CTNNA3: variants seen among roughly 807,000 people sequenced by gnomAD.
CTNNA3 encodes the protein catenin alpha 3.
CTNNA3 carries 76 observed loss-of-function variants against 95.7 expected under a neutral mutation model. The ratio of observed to expected loss-of-function variants is 0.79; its 90% CI spans 0.66 to 0.96. The LOEUF (loss-of-function observed/expected upper bound fraction) is 0.96. Ranked by LOEUF, CTNNA3 falls within the 40% of genes least tolerant of loss-of-function variation. The pLI is 0.00. For missense variants in CTNNA3, 1,191 were observed against 1,089.8 expected (o/e 1.09, Z -1.31); for synonymous variants, 431 against 374.4 (o/e 1.15, Z -1.74).
chr10:66,074,655 A>G (rs2080513487), intron 14 of CTNNA3, among the ~76,000 whole-genome samples: 1 of 151,630 alleles, frequency 6.6e-6, no homozygotes. Flanking sequence ...ATTCTCTCAA[A>G]ATTTTTAGAA....
chr10:66,523,779 G>A (rs191269639), intron 10 of CTNNA3, among the ~76,000 whole-genome samples: 1 of 152,106 alleles, frequency 6.6e-6, no homozygotes, highest in East Asian at 1.9e-4. Context: ...TCTACTTCCA[G>A]TCTCTATTTG....
At chr10:66,863,475 G>T (rs1250971542) in intron 7 of CTNNA3, among the ~76,000 whole-genome samples, 1 of 152,074 alleles carries the variant, frequency 6.6e-6, no homozygotes, top group Non-Finnish European at 1.5e-5. Flanking sequence ...GGTAGATGTA[G>T]TGAAAATTAG....
chr10:66,209,206 C>A (rs1472896305), intron 13 of CTNNA3, among the ~76,000 whole-genome samples: 1 of 151,954 alleles, frequency 6.6e-6, no homozygotes, highest in Non-Finnish European at 1.5e-5. Context: ...ATTCATTGAA[C>A]AAATATGTAA....
intron 9 of CTNNA3, among the ~76,000 whole-genome samples, chr10:66,651,714 G>T (rs1313879703): frequency 6.6e-6 from 1 of 152,006 alleles, no homozygotes; most frequent in East Asian, 1.9e-4. Context: ...CGGGTGCTAA[G>T]CCCCTCACTG....
At chr10:67,612,801 C>T (rs1036795153) in intron 2 of CTNNA3, among the ~76,000 whole-genome samples, 1 of 152,112 alleles carries the variant, frequency 6.6e-6, no homozygotes, top group Non-Finnish European at 1.5e-5. Context: ...TCTTCCTCTC[C>T]AAGTCCTTGT....
At chr10:67,611,098 C>T (rs1371316375) in intron 2 of CTNNA3, among the ~76,000 whole-genome samples, 1 of 152,052 alleles carries the variant, frequency 6.6e-6, no homozygotes, top group Admixed American at 6.5e-5. Context: ...TTTAACATTC[C>T]ACAAAACCGG....
chr10:66,047,885 A>G (rs1373850433), intron 15 of CTNNA3, among the ~76,000 whole-genome samples: 1 of 152,150 alleles, frequency 6.6e-6, no homozygotes, highest in Non-Finnish European at 1.5e-5. Flanking sequence ...AATTGCCACA[A>G]AAAGAATAAA....
rs1021305187 is a variant in CTNNA3, at chr10:66,542,094, T to G, written c.1375-21321A>C. ...ATGGGCAAAGGACATGAACAGACAC[T>G]TCTCAAAAGAAGACATTTATGCAGC... On this transcript the variant is annotated intron_variant, in intron 10 of 17. Coordinates refer to ENST00000433211, the MANE Select transcript of CTNNA3 (RefSeq NM_013266.4). 1.2e-3 allele frequency among the ~76,000 whole-genome samples: 190 copies of G among 152,138 alleles called. 1 individual carries two copies. Among genetic ancestry groups the G allele is most frequent in the African/African-American group, 4.3e-3 (179 of 41,498 alleles).
chr10:66,959,984 T>A (rs1376941904), intron 7 of CTNNA3, among the ~76,000 whole-genome samples: 1 of 152,140 alleles, frequency 6.6e-6, no homozygotes, highest in Non-Finnish European at 1.5e-5. Context: ...ACAAGGCTAG[T>A]CTGTACTGAG....
At chr10:66,048,746 G>A (rs2079885816) in intron 15 of CTNNA3, among the ~76,000 whole-genome samples, 1 of 152,052 alleles carries the variant, frequency 6.6e-6, no homozygotes, top group South Asian at 2.1e-4. Flanking sequence ...GGGCGGCAGA[G>A]CGAGACTCCA....
At chr10:67,262,803 A>G (rs189617858) in intron 5 of CTNNA3, among the ~76,000 whole-genome samples, 5 of 152,324 alleles carry the variant, frequency 3.3e-5, no homozygotes, top group Admixed American at 6.5e-5. Context: ...CAAAGAAATA[A>G]TGTTAAAAAT....
intron 14 of CTNNA3, among the ~76,000 whole-genome samples, chr10:66,081,258 A>G (rs1012779234): frequency 1.2e-4 from 18 of 152,144 alleles, no homozygotes; most frequent in Non-Finnish European, 2.9e-5. Context: ...TTAGTTGAGT[A>G]TGAATCATCC....
At chr10:66,913,673 C>A (rs1268087435) in intron 7 of CTNNA3, among the ~76,000 whole-genome samples, 1 of 152,050 alleles carries the variant, frequency 6.6e-6, no homozygotes, top group Non-Finnish European at 1.5e-5. Context: ...GACCTTATGT[C>A]GCGCCATAAA....
At chr10:66,543,046 T>C (rs942929769) in intron 10 of CTNNA3, among the ~76,000 whole-genome samples, 7 of 152,080 alleles carry the variant, frequency 4.6e-5, no homozygotes, top group South Asian at 2.1e-4. Context: ...AAACACCATA[T>C]AGTAAATTAC....
chr10:66,481,687 G>A (rs956650595), intron 11 of CTNNA3, among the ~76,000 whole-genome samples: 1 of 134,586 alleles, frequency 7.4e-6, no homozygotes, highest in East Asian at 2.2e-4. Flanking sequence ...TAGCCAGGAT[G>A]GTCTCGATCT....
chr10:67,184,076 T>C (rs1291524397), intron 6 of CTNNA3, among the ~76,000 whole-genome samples: 1 of 152,188 alleles, frequency 6.6e-6, no homozygotes, highest in Non-Finnish European at 1.5e-5. Context: ...GCACAAGTAT[T>C]ATTGTGATGG....
chr10:66,103,699 T>A (rs572740879), intron 13 of CTNNA3, among the ~76,000 whole-genome samples: 1 of 149,970 alleles, frequency 6.7e-6, no homozygotes, highest in South Asian at 2.2e-4. Context: ...AGAGATTTAA[T>A]TAGTGTTTGC....
chr10:66,935,996 T>C (rs530022344), intron 7 of CTNNA3, among the ~76,000 whole-genome samples: 3 of 152,308 alleles, frequency 2.0e-5, no homozygotes, highest in African/African-American at 4.8e-5. Context: ...ATCCCTCTGC[T>C]AGTTAAAGTC....
rs1589123548 is a variant in CTNNA3, at chr10:65,913,861, A to T, written c.*6469T>A. On this transcript the variant is annotated 3_prime_UTR_variant, in exon 18 of 18. Coordinates refer to ENST00000433211, the MANE Select transcript of CTNNA3 (RefSeq NM_013266.4). The stretch of plus-strand genomic sequence containing the variant: ...ACAGAGAGGTTCAGGTAATTTACAC[A>T]GATGGGGAACTGATGTGACATACCT... The T allele has an allele frequency of 1.3e-5, 2 of 152,268 alleles. No homozygotes were observed. The highest frequency in any genetic ancestry group is 2.1e-4 in the South Asian group (1 of 4,826). 9.4% of individuals were successfully genotyped at this position (152,268 alleles called of 1,614,324 possible).
Sources: allele counts gnomAD v4.1 joint callset (sites outside exome capture counted in the v4.1 genomes callset), GRCh38; gene constraint gnomAD v4.1.1; transcripts MANE v1.5; gene names NCBI Gene and HGNC (gene_info 2026-07-23, HGNC 2026-07-21).